The following GRHL2 variants were observed in gnomAD, a reference collection of about 807,000 sequenced individuals.
The protein encoded by GRHL2 is grainyhead-like protein 2 homolog.
A neutral mutation model predicts 83.8 loss-of-function variants in GRHL2; 21 were observed. The ratio of observed to expected loss-of-function variants is 0.25; its 90% CI spans 0.18 to 0.36. The LOEUF (loss-of-function observed/expected upper bound fraction) is 0.36. Ranked by LOEUF, GRHL2 falls within the 10% of genes least tolerant of loss-of-function variation. The probability of loss-of-function intolerance (pLI) is 1.00; values close to 1 mark genes in which losing one functional copy is unlikely to be tolerated. For missense variants in GRHL2, 623 were observed against 781.8 expected (o/e 0.80, Z 2.42); for synonymous variants, 280 against 278.9 (o/e 1.00, Z -0.04).
At chr8:101,534,322 C>T (rs1040666943) in intron 1 of GRHL2, among the ~76,000 whole-genome samples, 3 of 152,066 alleles carry the variant, frequency 2.0e-5, no homozygotes, top group African/African-American at 7.2e-5. Context: ...TAGGCTCACT[C>T]ACCTGGTTGT....
At chr8:101,564,333 T>TA (rs1464168552) in intron 4 of GRHL2, among the ~76,000 whole-genome samples, 6 of 152,220 alleles carry the variant, frequency 3.9e-5, no homozygotes, top group Non-Finnish European at 8.8e-5. Flanking sequence ...TAAACTCACT[T>TA]ATTCTAGGCA....
intron 1 of GRHL2, among the ~76,000 whole-genome samples, chr8:101,542,067 G>T (rs1811165133): frequency 6.6e-6 from 1 of 152,136 alleles, no homozygotes; most frequent in African/African-American, 2.4e-5. Flanking sequence ...AATACACTGT[G>T]TTTGCAAAGT....
In GRHL2 at chr8:101,644,910, C is replaced by T. The variant is rs117545543; in HGVS notation, c.1612+685C>T. Among the ~76,000 whole-genome samples the T allele has an allele frequency of 3.6e-3, 550 of 151,496 alleles. 8 individuals are homozygous for T. The East Asian group carries it at 0.057, about 16-fold the overall frequency. On this transcript the variant is annotated intron_variant, in intron 13 of 15. Transcript: ENST00000646743. The stretch of plus-strand genomic sequence containing the variant: ...TCACCCAGGAGGTAGTGCAGTAGCA[C>T]GATCATGGCTCACTACAGCGTCTAC...
At chr8:101,674,857 A>G in the GRHL2 span, among the ~76,000 whole-genome samples, 8 of 152,112 alleles carry the variant, frequency 5.3e-5, no homozygotes, top group Non-Finnish European at 1.2e-4. Context: ...AAGCTTATCC[A>G]CCATGATCAA....
chr8:101,582,294 A>C (rs1417380074), intron 7 of GRHL2, among the ~76,000 whole-genome samples: 2 of 152,048 alleles, frequency 1.3e-5, no homozygotes, highest in Non-Finnish European at 2.9e-5. Context: ...TAACACTATT[A>C]GCCAAGGTGG....
chr8:101,552,342 T>C (rs1385194630), intron 2 of GRHL2, among the ~76,000 whole-genome samples: 2 of 152,178 alleles, frequency 1.3e-5, no homozygotes, highest in East Asian at 3.9e-4. Flanking sequence ...TGTAACTCTA[T>C]TATGTTTTTG....
chr8:101,654,946 G>T (rs1212576026), intron 14 of GRHL2, among the ~76,000 whole-genome samples: 1 of 152,196 alleles, frequency 6.6e-6, no homozygotes, highest in Non-Finnish European at 1.5e-5. Context: ...ACTTTGGGAG[G>T]TTGAGGCGGG....
At chr8:101,494,030 C>T (rs879623532) in intron 1 of GRHL2, among the ~76,000 whole-genome samples, 41 of 152,190 alleles carry the variant, frequency 2.7e-4, no homozygotes, top group African/African-American at 6.3e-4. Context: ...GGCCTGGGAA[C>T]TGGCTGCGTC....
chr8:101,516,410 CTTT>C (rs33990862), intron 1 of GRHL2, among the ~76,000 whole-genome samples: 219 of 85,978 alleles, frequency 2.5e-3, no homozygotes, highest in African/African-American at 7.8e-3. Context: ...ACCTCTTTTC[CTTT>C]TTTTTTTTTT....
chr8:101,624,449 TACAGTACACAGTAGG>T (rs1417323825), intron 9 of GRHL2, among the ~76,000 whole-genome samples: 15 of 109,210 alleles, frequency 1.4e-4, no homozygotes, highest in African/African-American at 3.0e-4. Flanking sequence ...TAGGACAGTT[TACAGTACACAGTAGG>T]ACAGTACACA....
chr8:101,565,705 A>G (rs1387048700), intron 4 of GRHL2, among the ~76,000 whole-genome samples: 4 of 152,188 alleles, frequency 2.6e-5, no homozygotes, highest in East Asian at 3.8e-4. Context: ...GTTGGCTAGA[A>G]CTAGCCACCT....
At chr8:101,677,795 T>C in the GRHL2 span, among the ~76,000 whole-genome samples, 2 of 152,112 alleles carry the variant, frequency 1.3e-5, no homozygotes, top group Admixed American at 6.5e-5. Context: ...ATACATTTTA[T>C]GTTAGCACCC....
At chr8:101,567,540 A>G (rs371150414) in intron 4 of GRHL2, among the ~76,000 whole-genome samples, 2 of 152,244 alleles carry the variant, frequency 1.3e-5, no homozygotes, top group African/African-American at 4.8e-5. Flanking sequence ...TTTTAAAATT[A>G]TAAAGATAAT....
At chr8:101,513,122 G>A (rs1408717273) in intron 1 of GRHL2, among the ~76,000 whole-genome samples, 2 of 151,380 alleles carry the variant, frequency 1.3e-5, no homozygotes, top group African/African-American at 4.9e-5. Flanking sequence ...AATTTTTTTT[G>A]AGTAGTTTTG....
At chr8:101,677,542 T>C in the GRHL2 span, among the ~76,000 whole-genome samples, 4 of 151,652 alleles carry the variant, frequency 2.6e-5, no homozygotes, top group African/African-American at 7.3e-5. Flanking sequence ...AAAAAATACA[T>C]CTTGAGACAG....
chr8:101,570,194 CT>C lies in GRHL2; in HGVS notation c.679-141del, dbSNP rs1811793618. The C allele has an allele frequency of 5.6e-6, 4 of 712,524 alleles. No individual in the cohort carries two copies. The East Asian group carries it at 1.1e-4, about 20-fold the overall frequency. 44.1% of individuals were successfully genotyped at this position (712,524 alleles called of 1,614,324 possible). A position where few individuals can be genotyped will look rare whatever the true frequency, so the allele number is the denominator to read the frequency against. On this transcript the variant is annotated intron_variant, in intron 4 of 15. Coordinates refer to ENST00000646743, the MANE Select transcript of GRHL2 (RefSeq NM_024915.4). ...AGGTGATAGGTGAGTTCTATGACTA[CT>C]TTTGCTGTAGTTGAAAACATAATAT...
At chr8:101,662,744 A>G (rs1813947961) in intron 14 of GRHL2, among the ~76,000 whole-genome samples, 2 of 152,302 alleles carry the variant, frequency 1.3e-5, no homozygotes, top group South Asian at 4.1e-4. Flanking sequence ...GTAAAAATAA[A>G]TAGAACAGAA....
At chr8:101,600,558 G>A (rs886163180) in intron 8 of GRHL2, among the ~76,000 whole-genome samples, 1 of 152,182 alleles carries the variant, frequency 6.6e-6, no homozygotes, top group Non-Finnish European at 1.5e-5. Context: ...TCAGAGGCTA[G>A]ATTGCTGAAC....
At chr8:101,548,507 G>A (rs1411538535) in intron 2 of GRHL2, among the ~76,000 whole-genome samples, 1 of 152,208 alleles carries the variant, frequency 6.6e-6, no homozygotes, top group Non-Finnish European at 1.5e-5. Context: ...AAGAGAGAGA[G>A]ACAGAGAGTT....
Sources: gnomAD v4.1 joint callset for allele counts (sites outside exome capture counted in the v4.1 genomes callset) on GRCh38, gnomAD v4.1.1 for gene constraint, MANE v1.5 for transcripts, NCBI Gene and HGNC (gene_info 2026-07-23, HGNC 2026-07-21) for gene names.